The following WWOX variants were observed in gnomAD, a reference collection of about 807,000 sequenced individuals.
The protein encoded by WWOX is WW domain containing oxidoreductase.
Under a neutral mutation model 46.2 loss-of-function variants are expected in WWOX, and 69 were observed. That is an observed-to-expected ratio of 1.49 (90% confidence interval 1.23 to 1.82). The LOEUF is 1.82. Ranked by LOEUF, WWOX falls within the 40% of genes most tolerant of loss-of-function variation. The probability of loss-of-function intolerance (pLI) is 0.00; values close to 1 mark genes in which losing one functional copy is unlikely to be tolerated. For synonymous variants in WWOX, 359 were observed against 202.6 expected, an observed-to-expected ratio of 1.77 and a Z score of -6.56; for missense variants, 919 against 542.6, an observed-to-expected ratio of 1.69 and a Z score of -6.89.
intron 8 of WWOX, among the ~76,000 whole-genome samples, chr16:78,585,734 C>T (rs1298787179): frequency 3.4e-5 from 5 of 145,190 alleles, no homozygotes; most frequent in Non-Finnish European, 7.5e-5. Context: ...TGCTTGGCTT[C>T]TCCACAGAGG....
intron 5 of WWOX, among the ~76,000 whole-genome samples, chr16:78,185,924 C>T (rs537681566): frequency 2.2e-4 from 34 of 152,172 alleles, no homozygotes; most frequent in African/African-American, 7.5e-4. Flanking sequence ...CCTCGGCCTC[C>T]GAAAGCGTTG....
intron 8 of WWOX, among the ~76,000 whole-genome samples, chr16:78,687,014 TG>T (rs1263025329): frequency 5.3e-5 from 8 of 152,234 alleles, no homozygotes; most frequent in African/African-American, 1.9e-4. Context: ...TTTCCCCAGT[TG>T]GCACATCATG....
intron 8 of WWOX, among the ~76,000 whole-genome samples, chr16:79,148,378 T>C (rs1163076218): frequency 1.3e-5 from 2 of 152,172 alleles, no homozygotes. Flanking sequence ...GAATTGAGCA[T>C]GTTTGTGTGG....
At chr16:78,181,550 C>T (rs1450861969) in intron 5 of WWOX, among the ~76,000 whole-genome samples, 1 of 152,262 alleles carries the variant, frequency 6.6e-6, no homozygotes, top group South Asian at 2.1e-4. Flanking sequence ...GTGGCACACT[C>T]CGTGGCTGGG....
chr16:78,649,671 C>T (rs1329879080), intron 8 of WWOX, among the ~76,000 whole-genome samples: 2 of 152,194 alleles, frequency 1.3e-5, no homozygotes, highest in Non-Finnish European at 2.9e-5. Context: ...ATGACTCTGC[C>T]CCCTTTTGAC....
At chr16:78,922,034 T>C (rs577640780) in intron 8 of WWOX, among the ~76,000 whole-genome samples, 21 of 152,320 alleles carry the variant, frequency 1.4e-4, no homozygotes, top group Non-Finnish European at 2.6e-4. Context: ...AGAATACTTT[T>C]CTACTATCTA....
chr16:78,538,499 C>T (rs8045846), intron 8 of WWOX, among the ~76,000 whole-genome samples: 4 of 152,134 alleles, frequency 2.6e-5, no homozygotes, highest in Admixed American at 2.6e-4. Flanking sequence ...CCTTTCCGTG[C>T]CTTTGTCTGT....
At chr16:78,613,017 C>G (rs1018213893) in intron 8 of WWOX, among the ~76,000 whole-genome samples, 2 of 152,158 alleles carry the variant, frequency 1.3e-5, no homozygotes, top group African/African-American at 2.4e-5. Flanking sequence ...GAACACCACT[C>G]AGTACTTCTG....
intron 5 of WWOX, among the ~76,000 whole-genome samples, chr16:78,257,366 T>A (rs2038160135): frequency 6.6e-6 from 1 of 152,222 alleles, no homozygotes. Flanking sequence ...GGTATTTATT[T>A]GGCAGCAAAC....
Position 79,119,405 on chromosome 16 carries a change from A to C in WWOX, c.1057-92203A>C, listed in dbSNP as rs187220869. Among the ~76,000 whole-genome samples, 13 of 152,306 alleles carry C rather than the reference A, an allele frequency of 8.5e-5. No individual in the cohort carries two copies. The East Asian group carries it at 2.3e-3, about 27-fold the overall frequency. On this transcript the variant is annotated intron_variant, in intron 8 of 8. Coordinates refer to ENST00000566780, the MANE Select transcript of WWOX (RefSeq NM_016373.4). ...CTTAAGAAAAAGTGTATTTTGGAGAAAGTTGCAATAATACCTACTAGAGAT... is the reference window on the plus strand; with the variant it reads ...CTTAAGAAAAAGTGTATTTTGGAGACAGTTGCAATAATACCTACTAGAGAT...
chr16:78,423,608 G>T (rs149346889), intron 6 of WWOX, among the ~76,000 whole-genome samples: 2 of 152,140 alleles, frequency 1.3e-5, no homozygotes, highest in East Asian at 3.9e-4. Context: ...CAGAAGGATT[G>T]CTTGAGACCA....
intron 7 of WWOX, among the ~76,000 whole-genome samples, chr16:78,425,747 G>T (rs184165189): frequency 2.0e-5 from 3 of 152,276 alleles, no homozygotes; most frequent in African/African-American, 7.2e-5. Context: ...TGCTGGGTGA[G>T]GCTGGATTTA....
At chr16:78,899,730 T>A (rs919210607) in intron 8 of WWOX, 2 of 152,196 alleles carry the variant, frequency 1.3e-5, no homozygotes, top group African/African-American at 2.4e-5. Flanking sequence ...TTTAAAAGTT[T>A]AAGGAGATCT....
At chr16:78,831,502 C>T (rs1370993048) in intron 8 of WWOX, among the ~76,000 whole-genome samples, 2 of 152,138 alleles carry the variant, frequency 1.3e-5, no homozygotes, top group Non-Finnish European at 2.9e-5. Flanking sequence ...TACACTGGTA[C>T]CCTACGTGGG....
intron 8 of WWOX, among the ~76,000 whole-genome samples, chr16:78,583,523 G>A (rs2045115771): frequency 1.3e-5 from 2 of 152,212 alleles, no homozygotes; most frequent in Non-Finnish European, 2.9e-5. Flanking sequence ...ATGTGGGATT[G>A]TAGGTTTTGT....
intron 8 of WWOX, among the ~76,000 whole-genome samples, chr16:78,997,894 TA>T (rs1472140614): frequency 1.3e-5 from 2 of 152,102 alleles, no homozygotes; most frequent in African/African-American, 2.4e-5. Context: ...CTTTTTTTTT[TA>T]GACAGAGTTT....
At chr16:78,448,379 T>C (rs1409820875) in intron 8 of WWOX, among the ~76,000 whole-genome samples, 2 of 152,228 alleles carry the variant, frequency 1.3e-5, no homozygotes, top group Non-Finnish European at 2.9e-5. Flanking sequence ...ACATTCATTA[T>C]TTTATAGCCT....
chr16:78,726,978 T>A (rs2048850500), intron 8 of WWOX, among the ~76,000 whole-genome samples: 1 of 152,238 alleles, frequency 6.6e-6, no homozygotes, highest in Non-Finnish European at 1.5e-5. Flanking sequence ...CATCCCAATG[T>A]GCTTTTCCTT....
intron 8 of WWOX, among the ~76,000 whole-genome samples, chr16:78,775,538 G>A (rs1209389711): frequency 6.6e-6 from 1 of 152,102 alleles, no homozygotes. Context: ...GGGAGAGTAT[G>A]GGCTTTGAAA....
Sources: gnomAD v4.1 joint callset for allele counts (sites outside exome capture counted in the v4.1 genomes callset) on GRCh38, gnomAD v4.1.1 for gene constraint, MANE v1.5 for transcripts, NCBI Gene and HGNC (gene_info 2026-07-23, HGNC 2026-07-21) for gene names.